The following TNK2 variants were observed in gnomAD, a reference collection of about 807,000 sequenced individuals.
TNK2 encodes tyrosine kinase non receptor 2.
Under a neutral mutation model 101.8 loss-of-function variants are expected in TNK2, and 83 were observed. The observed-to-expected ratio is 0.82, with a 90% CI of 0.68 to 0.98. The LOEUF (loss-of-function observed/expected upper bound fraction) is 0.98, where lower values mean the gene tolerates loss of function less well. Ranked by LOEUF, TNK2 falls within the 50% of genes least tolerant of loss-of-function variation. The pLI is 0.00. For missense variants in TNK2, 1,665 were observed against 1,483.2 expected (o/e 1.12, Z -2.01); for synonymous variants, 804 against 633.0 (o/e 1.27, Z -4.06).
chr3:195,865,314 TGACA>T (rs1168532722), intron 15 of TNK2, among the ~76,000 whole-genome samples: 6 of 116,204 alleles, frequency 5.2e-5, no homozygotes, highest in Admixed American at 8.9e-5. Flanking sequence ...CCCGAGACAG[TGACA>T]GACAGGTGAC....
chr3:195,892,267 G>A (rs1245456620), intron 1 of TNK2: 3 of 824,074 alleles, frequency 3.6e-6, no homozygotes, highest in Non-Finnish European at 5.5e-6. Context: ...CCGCAGGAGA[G>A]GCCACTTGGC....
intron 4 of TNK2, chr3:195,883,602 T>C: frequency 3.1e-6 from 1 of 325,172 alleles, no homozygotes; most frequent in Admixed American, 4.0e-5. Flanking sequence ...TGAGAGAATA[T>C]TCAAATGTTA....
intron 1 of TNK2, among the ~76,000 whole-genome samples, chr3:195,897,852 C>T (rs1760805643): frequency 7.2e-6 from 1 of 139,482 alleles, no homozygotes; most frequent in Admixed American, 7.3e-5. Flanking sequence ...AGCTTCTTAA[C>T]TGTTGGTATT....
At chr3:195,904,280 AG>A (rs1449042518) in intron 1 of TNK2, among the ~76,000 whole-genome samples, 10 of 151,412 alleles carry the variant, frequency 6.6e-5, no homozygotes, top group Admixed American at 4.6e-4. Context: ...AAAAAAAAAA[AG>A]GTGAAAGCAA....
At position 195,870,219 on chromosome 3, in the gene TNK2, A is replaced by G. The variant is rs772229100; in HGVS notation, c.1452-14T>C. ...CCCAGATACAGTCTGTGGGGGAGAG[A>G]GCTGGGTCAAGAGAGCAGGGGAAGC... On this transcript the variant is annotated splice_polypyrimidine_tract_variant and intron_variant, in intron 10 of 15. Transcript: ENST00000672887. 5 of 1,598,670 alleles carry G rather than the reference A, an allele frequency of 3.1e-6. No individual in the cohort carries two copies. The highest frequency in any genetic ancestry group is 1.7e-5 in the Admixed American group (1 of 58,442).
rs796303245 is a variant in TNK2 at position 195,892,476 on chromosome 3, G to A, written c.-18-3870C>T. 105 of 1,535,646 alleles carry A rather than the reference G, an allele frequency of 6.8e-5. No homozygotes were observed. In the African/African-American group the frequency reaches 1.0e-3, roughly 15 times the overall value. ...GAGAGCTCCAGGCCAGGGAACCGAC[G>A]TGCTGCCGGCATCTCCACGCAGCGG... On this transcript the variant is annotated intron_variant, in intron 1 of 15. Coordinates refer to ENST00000672887, the MANE Select transcript of TNK2 (RefSeq NM_001382273.1).
Position 195,883,251 on chromosome 3 carries a change from T to G in TNK2, c.515A>C (p.Asp172Ala), listed in dbSNP as rs1156927783. Residue 172 changes from aspartate (D) to alanine (A), a missense_variant, in exon 5 of 16, where the codon GAC becomes GCC. By Grantham distance (126) the Asp-to-Ala change is moderately radical (BLOSUM62 -2). Coordinates refer to ENST00000672887, the MANE Select transcript of TNK2 (RefSeq NM_001382273.1). ...GGCATTGACCTCCCGGATGAAGTCG[T>G]CCATGGCTTCTGGCTGGCTCAGGAC... Reference protein sequence around the residue: ...PDVLSQPEAMDDFIREVNAMH... With the variant: ...PDVLSQPEAMADFIREVNAMH... 1 of 1,613,182 alleles carries G rather than the reference T, an allele frequency of 6.2e-7. No homozygotes were observed. The highest frequency in any genetic ancestry group is 1.3e-5 in the African/African-American group (1 of 74,896).
chr3:195,875,725 C>G (rs568658164), intron 9 of TNK2, among the ~76,000 whole-genome samples: 1 of 152,144 alleles, frequency 6.6e-6, no homozygotes, highest in South Asian at 2.1e-4. Context: ...GCTACCCGGC[C>G]GTGACTGAAG....
intron 1 of TNK2, among the ~76,000 whole-genome samples, chr3:195,900,915 A>G (rs1761141628): frequency 6.6e-6 from 1 of 152,228 alleles, no homozygotes; most frequent in Non-Finnish European, 1.5e-5. Flanking sequence ...GCCCTACGCA[A>G]GAGTCCAGAG....
intron 6 of TNK2, among the ~76,000 whole-genome samples, chr3:195,879,952 C>G (rs1473297282): frequency 1.3e-5 from 2 of 152,176 alleles, no homozygotes; most frequent in Non-Finnish European, 2.9e-5. Flanking sequence ...AGAGGCTGCT[C>G]TAAATTACTC....
chr3:195,876,352 C>A (rs991504191), intron 9 of TNK2: 1 of 453,128 alleles, frequency 2.2e-6, no homozygotes, highest in Non-Finnish European at 4.4e-6. Context: ...GACACAGCTT[C>A]GCAAGTGGGA....
At chr3:195,866,847 C>T (rs778954350) in intron 15 of TNK2, 42 bp downstream of exon 15, 2 of 1,594,930 alleles carry the variant, frequency 1.3e-6, no homozygotes, top group Admixed American at 1.7e-5. Context: ...TGGGACAGCC[C>T]TCCTGGGGCA....
intron 6 of TNK2, among the ~76,000 whole-genome samples, chr3:195,879,898 T>G (rs1751438422): frequency 6.6e-6 from 1 of 152,150 alleles, no homozygotes; most frequent in African/African-American, 2.4e-5. Context: ...TAAAGGCAAC[T>G]ATATTCATAC....
chr3:195,881,989 C>T (rs1753354226), intron 6 of TNK2, 62 bp downstream of exon 6: 2 of 1,557,292 alleles, frequency 1.3e-6, no homozygotes, highest in Non-Finnish European at 1.7e-6. Context: ...TCCAGAAAGC[C>T]CCAGAAGCTT....
At chr3:195,887,943 CGT>C (rs541916669) in intron 2 of TNK2, among the ~76,000 whole-genome samples, 34 of 110,824 alleles carry the variant, frequency 3.1e-4, no homozygotes, top group East Asian at 1.1e-3. Flanking sequence ...TGCGCATGTG[CGT>C]GTGTGCCTGC....
At chr3:195,903,823 A>G (rs1316261252) in intron 1 of TNK2, among the ~76,000 whole-genome samples, 1 of 152,242 alleles carries the variant, frequency 6.6e-6, no homozygotes, top group Non-Finnish European at 1.5e-5. Context: ...CTTTATTAGC[A>G]GATGACACGG....
Position 195,878,206 on chromosome 3 carries a change from T to C in TNK2, c.1256+47A>G, listed in dbSNP as rs1343361028. 1.9e-6 allele frequency: 3 copies of C among 1,588,696 alleles called. No individual in the cohort carries two copies. The highest frequency in any genetic ancestry group is 2.6e-6 in the Non-Finnish European group (3 of 1,157,222). On this transcript the variant is annotated intron_variant, in intron 9 of 15. Transcript: ENST00000672887. The surrounding 1 kb of genome is among the most constrained non-coding windows in gnomAD (Gnocchi z 4.7). ...TCTGTCCACAGGTCCCTCCGACCTG[T>C]GCCCTTCAAGCGATCCCAGGGCGGG...
intron 9 of TNK2, among the ~76,000 whole-genome samples, chr3:195,874,195 CTG>C (rs1011194872): frequency 2.0e-5 from 3 of 152,226 alleles, no homozygotes; most frequent in Non-Finnish European, 4.4e-5. Context: ...CGCTCAGTAA[CTG>C]GGTGAGAATG....
intron 10 of TNK2, among the ~76,000 whole-genome samples, chr3:195,871,384 C>A (rs1745221417): frequency 6.6e-6 from 1 of 152,110 alleles, no homozygotes; most frequent in African/African-American, 2.4e-5. Flanking sequence ...CCAAGGTCCC[C>A]AGTCCCACTC....
Sources: gnomAD v4.1 joint callset for allele counts (sites outside exome capture counted in the v4.1 genomes callset) on GRCh38, gnomAD v4.1.1 for gene constraint, Gnocchi (gnomAD v3.1) non-coding constraint, MANE v1.5 for transcripts, NCBI Gene and HGNC (gene_info 2026-07-23, HGNC 2026-07-21) for gene names.